PTPRN2: variants seen among roughly 807,000 people sequenced by gnomAD.
PTPRN2 encodes receptor-type tyrosine-protein phosphatase N2.
A neutral mutation model predicts 118.8 loss-of-function variants in PTPRN2; 74 were observed. The observed-to-expected ratio is 0.62, with a 90% CI of 0.52 to 0.76. The LOEUF (loss-of-function observed/expected upper bound fraction) is 0.76, where lower values mean the gene tolerates loss of function less well. PTPRN2 is among the 30% of genes least tolerant of loss of function. PTPRN2 has a pLI of 0.00. For synonymous variants in PTPRN2, 641 were observed against 608.0 expected (o/e 1.05, Z -0.80); for missense variants, 1,481 against 1,394.4 (o/e 1.06, Z -0.99).
At chr7:158,334,306 C>T (rs1184545274) in intron 2 of PTPRN2, among the ~76,000 whole-genome samples, 1 of 22,236 alleles carries the variant, frequency 4.5e-5, no homozygotes. Context: ...GAGCTGACAC[C>T]TGCAGACGTC....
chr7:157,663,187 G>C (rs1795978319), intron 13 of PTPRN2, among the ~76,000 whole-genome samples: 1 of 152,246 alleles, frequency 6.6e-6, no homozygotes, highest in African/African-American at 2.4e-5. Flanking sequence ...CTCCCTGCAG[G>C]TACGGCAGGG....
At chr7:158,500,987 G>A (rs572576373) in intron 1 of PTPRN2, among the ~76,000 whole-genome samples, 1 of 152,390 alleles carries the variant, frequency 6.6e-6, no homozygotes, top group East Asian at 1.9e-4. Flanking sequence ...GGCCACGTCC[G>A]CTGGGAGCTG....
chr7:157,660,848 G>A (rs575743086), intron 13 of PTPRN2, among the ~76,000 whole-genome samples: 2 of 152,140 alleles, frequency 1.3e-5, no homozygotes, highest in African/African-American at 4.8e-5. Flanking sequence ...TCCGCCTCCC[G>A]GGTTCAAGCG....
intron 6 of PTPRN2, among the ~76,000 whole-genome samples, chr7:158,152,191 A>AAAAAAAAAAAT (rs1554561530): frequency 6.9e-6 from 1 of 145,152 alleles, no homozygotes; most frequent in Non-Finnish European, 1.5e-5. Context: ...AAAAAAAAAA[A>AAAAAAAAAAAT]CCATGAATGC....
At chr7:158,412,850 C>T (rs1166121900) in intron 2 of PTPRN2, among the ~76,000 whole-genome samples, 14 of 142,216 alleles carry the variant, frequency 9.8e-5, no homozygotes, top group African/African-American at 2.9e-4. Flanking sequence ...CCAGTGCCCT[C>T]CTCAGCACCA....
At chr7:158,498,041 C>T (rs1822081708) in intron 1 of PTPRN2, among the ~76,000 whole-genome samples, 1 of 152,268 alleles carries the variant, frequency 6.6e-6, no homozygotes, top group Admixed American at 6.5e-5. Context: ...GGTCAGTCCG[C>T]TCCATCACAA....
intron 3 of PTPRN2, among the ~76,000 whole-genome samples, chr7:158,207,428 C>A (rs916775095): frequency 1.4e-4 from 22 of 152,210 alleles, no homozygotes; most frequent in African/African-American, 5.3e-4. Flanking sequence ...GCAATGGCAA[C>A]AAAAGACAAA....
chr7:158,581,267 C>A (rs1828610648), intron 1 of PTPRN2, among the ~76,000 whole-genome samples: 3 of 152,218 alleles, frequency 2.0e-5, no homozygotes, highest in Admixed American at 6.5e-5. Flanking sequence ...CTCCAAGACT[C>A]AGTCTTTCTA....
intron 3 of PTPRN2, among the ~76,000 whole-genome samples, chr7:158,232,334 T>C (rs10276960): frequency 0.5 from 76,599 of 151,760 alleles, 20,937 homozygotes; most frequent in African/African-American, 0.73. Context: ...AACTGCATGC[T>C]AAGAAATGGG....
At chr7:158,261,934 C>G (rs1480295884) in intron 3 of PTPRN2, among the ~76,000 whole-genome samples, 1 of 152,220 alleles carries the variant, frequency 6.6e-6, no homozygotes, top group Non-Finnish European at 1.5e-5. Context: ...GCTCACTTGG[C>G]CCTAAAGCCC....
intron 13 of PTPRN2, among the ~76,000 whole-genome samples, chr7:157,661,214 A>G (rs911158731): frequency 6.6e-6 from 1 of 152,284 alleles, no homozygotes; most frequent in Non-Finnish European, 1.5e-5. Context: ...GTCACTGCGC[A>G]GCGCAGGGTC....
At chr7:158,073,177 A>G (rs1350779913) in intron 11 of PTPRN2, among the ~76,000 whole-genome samples, 2 of 152,174 alleles carry the variant, frequency 1.3e-5, no homozygotes, top group Non-Finnish European at 2.9e-5. Context: ...ACTCAGAACC[A>G]TCTCGGCTCC....
intron 1 of PTPRN2, among the ~76,000 whole-genome samples, chr7:158,501,786 G>C (rs1279009152): frequency 6.6e-6 from 1 of 152,170 alleles, no homozygotes; most frequent in African/African-American, 2.4e-5. Flanking sequence ...TATTTATTGA[G>C]GATATGTTGA....
rs543928728 is a variant in PTPRN2 at position 158,238,374 on chromosome 7, T to C, written c.278-33101A>G. On this transcript the variant is annotated intron_variant, in intron 3 of 22. Coordinates refer to ENST00000389418, the MANE Select transcript of PTPRN2 (RefSeq NM_002847.5). ...TATAAAATAAAGCGGGGGGTGTGGG[T>C]GGCACCAAAAGCACAGCAGGCGAGA... 8.6e-5 allele frequency among the ~76,000 whole-genome samples: 13 copies of C among 151,860 alleles called. 1 individual carries two copies. The South Asian group carries it at 2.1e-3, about 24-fold the overall frequency.
chr7:158,515,345 CCTGGCT>C (rs1823470371), intron 1 of PTPRN2, among the ~76,000 whole-genome samples: 1 of 152,028 alleles, frequency 6.6e-6, no homozygotes, highest in Admixed American at 6.5e-5. Flanking sequence ...TGCCACCATG[CCTGGCT>C]AATTTTTTTA....
rs1803013123 is a variant in PTPRN2, at chr7:157,619,375, C to G, written c.2344+1987G>C. ...TCCACTCAGGACTCAGCAGGATACC[C>G]GCTCACCACCACCCTCACTTGTCCT... On this transcript the variant is annotated intron_variant, in intron 15 of 22. Transcript: ENST00000389418. The surrounding 1 kb of genome is among the most constrained non-coding windows in gnomAD (Gnocchi z 5.3). 6.6e-6 allele frequency among the ~76,000 whole-genome samples: 1 copy of G among 152,104 alleles called. No individual in the cohort carries two copies. Among genetic ancestry groups the G allele is most frequent in the Non-Finnish European group, 1.5e-5 (1 of 68,014 alleles).
intron 12 of PTPRN2, among the ~76,000 whole-genome samples, chr7:157,737,658 G>C (rs981906731): frequency 6.6e-6 from 1 of 152,232 alleles, no homozygotes; most frequent in Non-Finnish European, 1.5e-5. Flanking sequence ...TACAGGGAGG[G>C]GTTTGCTTTC....
intron 12 of PTPRN2, among the ~76,000 whole-genome samples, chr7:157,684,697 G>C (rs943234382): frequency 9.3e-5 from 14 of 150,064 alleles, no homozygotes; most frequent in South Asian, 2.1e-4. Context: ...TCCGCCCACC[G>C]GGTCTCCTGC....
chr7:158,147,832 C>A (rs866376080), intron 6 of PTPRN2, among the ~76,000 whole-genome samples: 1 of 105,518 alleles, frequency 9.5e-6, no homozygotes, highest in Non-Finnish European at 1.9e-5. Flanking sequence ...CCCTCAATGA[C>A]ACCCCATCTC....
Sources: gnomAD v4.1 joint callset for allele counts (sites outside exome capture counted in the v4.1 genomes callset) on GRCh38, gnomAD v4.1.1 for gene constraint, Gnocchi (gnomAD v3.1) non-coding constraint, MANE v1.5 for transcripts, NCBI Gene and HGNC (gene_info 2026-07-23, HGNC 2026-07-21) for gene names.